The following CPNE4 variants were observed in gnomAD, a reference collection of about 807,000 sequenced individuals.
CPNE4 encodes the protein copine-4.
Under a neutral mutation model 67.9 loss-of-function variants are expected in CPNE4, and 25 were observed. The observed-to-expected ratio is 0.37, with a 90% confidence interval of 0.27 to 0.51. CPNE4 has a LOEUF of 0.51. Ranked by LOEUF, CPNE4 falls within the 20% of genes least tolerant of loss-of-function variation. The pLI, the probability that CPNE4 is intolerant of heterozygous loss-of-function variation, is 0.93. For missense variants in CPNE4, 464 were observed against 690.8 expected, an observed-to-expected ratio of 0.67 and a Z score of 3.68; for synonymous variants, 242 against 244.9, an observed-to-expected ratio of 0.99 and a Z score of 0.11.
intron 2 of CPNE4, among the ~76,000 whole-genome samples, chr3:131,775,956 T>C (rs534895560): frequency 0.011 from 1,684 of 152,282 alleles, 28 homozygotes; most frequent in African/African-American, 0.039. Context: ...CCTGGCTTCC[T>C]AAGCCCTCAT....
chr3:131,699,496 T>C (rs1191170858), intron 4 of CPNE4, among the ~76,000 whole-genome samples: 2 of 152,180 alleles, frequency 1.3e-5, no homozygotes, highest in Non-Finnish European at 2.9e-5. Context: ...TTGAAGTAAA[T>C]GCTATCAAAG....
At chr3:131,576,436 T>G (rs1054933489) in intron 9 of CPNE4, among the ~76,000 whole-genome samples, 1 of 152,158 alleles carries the variant, frequency 6.6e-6, no homozygotes, top group Non-Finnish European at 1.5e-5. Flanking sequence ...CACAGTCACC[T>G]TAAGGAGAAA....
intron 7 of CPNE4, among the ~76,000 whole-genome samples, chr3:131,595,928 A>G (rs1215418961): frequency 6.6e-6 from 1 of 152,248 alleles, no homozygotes; most frequent in Non-Finnish European, 1.5e-5. Flanking sequence ...TGAAGCATGT[A>G]CAATAGTCAA....
intron 7 of CPNE4, among the ~76,000 whole-genome samples, chr3:131,656,367 T>C (rs1245021891): frequency 6.6e-6 from 1 of 152,164 alleles, no homozygotes; most frequent in East Asian, 1.9e-4. Flanking sequence ...ATGGAAACAT[T>C]AACCTAATTA....
chr3:132,031,601 G>T (rs1335998847), intron 1 of CPNE4, among the ~76,000 whole-genome samples: 1 of 152,068 alleles, frequency 6.6e-6, no homozygotes, highest in Admixed American at 6.5e-5. Context: ...CAACACTGAC[G>T]GCTCATCTTC....
intron 6 of CPNE4, 29 bp from the exon 7 acceptor site, chr3:131,669,793 TG>T (rs2080361588): frequency 6.5e-7 from 1 of 1,529,380 alleles, no homozygotes; most frequent in Admixed American, 1.7e-5. Context: ...GAGTGGTGAG[TG>T]GGGGAGAAAT....
intron 1 of CPNE4, among the ~76,000 whole-genome samples, chr3:131,985,704 A>G (rs1414282636): frequency 3.9e-5 from 6 of 152,192 alleles, no homozygotes; most frequent in Non-Finnish European, 7.3e-5. Context: ...TCAATGACCA[A>G]TTGAAACCAA....
intron 12 of CPNE4, among the ~76,000 whole-genome samples, chr3:131,554,814 T>C (rs1242168601): frequency 2.0e-5 from 3 of 151,960 alleles, no homozygotes; most frequent in African/African-American, 4.8e-5. Context: ...TACCCTGCTG[T>C]CTCTCCAAGG....
intron 2 of CPNE4, among the ~76,000 whole-genome samples, chr3:131,732,819 G>A (rs2082157958): frequency 6.6e-6 from 1 of 152,174 alleles, no homozygotes; most frequent in Admixed American, 6.5e-5. Context: ...AATCTCAAGG[G>A]CAGGTGAAAT....
At chr3:131,784,655 G>A (rs2083510560) in intron 2 of CPNE4, among the ~76,000 whole-genome samples, 1 of 152,068 alleles carries the variant, frequency 6.6e-6, no homozygotes, top group Admixed American at 6.6e-5. Context: ...AGTGGGATTG[G>A]GCTTCAGATG....
Position 131,653,440 on chromosome 3 carries a change from G to A in CPNE4, c.681+16235C>T, listed in dbSNP as rs192840822. Among the ~76,000 whole-genome samples the A allele has an allele frequency of 4.0e-3, 601 of 152,078 alleles. 5 individuals are homozygous for A. Among genetic ancestry groups the A allele is most frequent in the South Asian group, 0.031 (149 of 4,812 alleles). On this transcript the variant is annotated intron_variant, in intron 7 of 15. Transcript: ENST00000429747. ...TGGGATTACAGGCGTGAGCCACCGC[G>A]CCTGGCCACTGATACGACTTTTAAC... is the stretch of plus-strand genomic sequence containing the variant.
chr3:131,801,336 CATATAT>C (rs148213976), intron 2 of CPNE4, among the ~76,000 whole-genome samples: 1 of 122,854 alleles, frequency 8.1e-6, no homozygotes, highest in East Asian at 2.4e-4. Flanking sequence ...GGAAACCATA[CATATAT>C]ATATATATGT....
intron 1 of CPNE4, among the ~76,000 whole-genome samples, chr3:131,926,302 G>A (rs1409378648): frequency 6.6e-6 from 1 of 152,096 alleles, no homozygotes; most frequent in Non-Finnish European, 1.5e-5. Flanking sequence ...CCTGTGACAA[G>A]CATTGTAAAA....
intron 4 of CPNE4, among the ~76,000 whole-genome samples, chr3:131,698,974 C>G (rs187742602): frequency 4.7e-5 from 7 of 148,798 alleles, no homozygotes; most frequent in Admixed American, 3.3e-4. Flanking sequence ...CAAAATAACT[C>G]AAGAGGTTCG....
intron 1 of CPNE4, among the ~76,000 whole-genome samples, chr3:131,922,143 C>T (rs1560605651): frequency 6.6e-6 from 1 of 152,126 alleles, no homozygotes; most frequent in Non-Finnish European, 1.5e-5. Flanking sequence ...CCAGTGTTTA[C>T]CTTCCATTTA....
chr3:131,696,499 G>A (rs748741218), intron 5 of CPNE4, 43 bp downstream of exon 5: 2 of 1,556,936 alleles, frequency 1.3e-6, no homozygotes, highest in Admixed American at 3.3e-5. Context: ...CTGTGTGCTA[G>A]CTTTGTTACT....
intron 6 of CPNE4, among the ~76,000 whole-genome samples, chr3:131,683,149 C>G (rs1226134471): frequency 6.6e-6 from 1 of 152,104 alleles, no homozygotes; most frequent in Admixed American, 6.5e-5. Flanking sequence ...TGAGCTGGTA[C>G]CTAAGTTGCA....
intron 13 of CPNE4, among the ~76,000 whole-genome samples, chr3:131,551,657 T>A (rs944426849): frequency 2.6e-5 from 4 of 152,070 alleles, no homozygotes; most frequent in African/African-American, 9.7e-5. Flanking sequence ...AACTGCTAGA[T>A]GCCTTACACA....
intron 1 of CPNE4, among the ~76,000 whole-genome samples, chr3:131,919,191 G>A (rs1034946700): frequency 1.3e-5 from 2 of 152,170 alleles, no homozygotes; most frequent in Non-Finnish European, 2.9e-5. Context: ...AGCACTAAGT[G>A]AATAGTGAAG....
Sources: gnomAD v4.1 joint callset for allele counts (sites outside exome capture counted in the v4.1 genomes callset) on GRCh38, gnomAD v4.1.1 for gene constraint, MANE v1.5 for transcripts, NCBI Gene and HGNC (gene_info 2026-07-23, HGNC 2026-07-21) for gene names.